The following COL6A5 variants were observed in gnomAD, a reference collection of about 807,000 sequenced individuals.
COL6A5 encodes the protein collagen alpha-5(VI) chain.
A neutral mutation model predicts 65.6 loss-of-function variants in COL6A5; 48 were observed. The ratio of observed to expected loss-of-function variants is 0.73; its 90% CI spans 0.58 to 0.93. The LOEUF (loss-of-function observed/expected upper bound fraction) is 0.93. COL6A5 is among the 40% of genes least tolerant of loss of function. The pLI, the probability that COL6A5 is intolerant of heterozygous loss-of-function variation, is 0.00. For synonymous variants in COL6A5, 291 were observed against 322.8 expected (o/e 0.90, Z 1.05); for missense variants, 914 against 928.3 (o/e 0.98, Z 0.20).
chr3:130,410,183 A>G, intron 19 of COL6A5, 109 bp downstream of exon 19: 1 of 803,024 alleles, frequency 1.2e-6, no homozygotes, highest in Non-Finnish European at 2.0e-6. Context: ...TTAAGACCAC[A>G]TTGAAAAGAC....
exon 7 of COL6A5, chr3:130,391,687 T>C (rs1490038477): frequency 6.4e-7 from 1 of 1,551,688 alleles, no homozygotes; most frequent in Admixed American, 2.0e-5. Flanking sequence ...TCTATGTAGA[T>C]AATTTTGACA....
chr3:130,471,611 G>T, intron 7 of COL6A5, 71 bp from the exon 40 acceptor site: 1 of 1,335,694 alleles, frequency 7.5e-7, no homozygotes, highest in Non-Finnish European at 1.0e-6. Flanking sequence ...ATATTATCTG[G>T]TGGTATTCAC....
chr3:130,444,873 TAGA>T (rs1709271464), intron 4 of COL6A5, among the ~76,000 whole-genome samples: 1 of 152,228 alleles, frequency 6.6e-6, no homozygotes, highest in Non-Finnish European at 1.5e-5. Context: ...CTTCCCTACC[TAGA>T]AGTTGTCCTT....
In COL6A5 at chr3:130,423,781, T is replaced by G. The variant is rs1006776361; in HGVS notation, c.5101-57T>G. The G allele has an allele frequency of 3.1e-6, 4 of 1,306,350 alleles. No homozygotes were observed. In the African/African-American group the frequency reaches 4.5e-5, roughly 15 times the overall value. 80.9% of individuals were successfully genotyped at this position (1,306,350 alleles called of 1,614,324 possible). A position where few individuals can be genotyped will look rare whatever the true frequency, so the allele number is the denominator to read the frequency against. On this transcript the variant is annotated intron_variant and NMD_transcript_variant, in intron 28 of 41. Coordinates refer to the COL6A5 transcript ENST00000312481. ...TTAGAAAGTCTTATCGAAACTGAAG[T>G]AGTCCCCATAGATAGACAGTGTTGA...
chr3:130,358,562 G>A (rs1164771549), intron 1 of COL6A5, among the ~76,000 whole-genome samples: 1 of 152,116 alleles, frequency 6.6e-6, no homozygotes, highest in Non-Finnish European at 1.5e-5. Context: ...AATCTTAAGT[G>A]TACAGTTCAT....
intron 1 of COL6A5, among the ~76,000 whole-genome samples, chr3:130,363,222 A>C (rs533456689): frequency 6.6e-6 from 1 of 152,314 alleles, no homozygotes; most frequent in South Asian, 2.1e-4. Flanking sequence ...TAACTAATCC[A>C]AGTATACTTT....
At chr3:130,448,810 C>G (rs1709362506) in intron 4 of COL6A5, among the ~76,000 whole-genome samples, 1 of 152,098 alleles carries the variant, frequency 6.6e-6, no homozygotes, top group African/African-American at 2.4e-5. Context: ...GCTGCAGGCT[C>G]CTGATTATTG....
rs778937737 is a variant in COL6A5 at position 130,467,292 on chromosome 3, G to C, written c.1545-1503G>C. 1.0e-3 allele frequency among the ~76,000 whole-genome samples: 155 copies of C among 151,920 alleles called. No individual in the cohort carries two copies. In the Middle Eastern group the frequency reaches 0.01, roughly 10 times the overall value. ...GGAATAAAGAAGAGCTGGTTAATGG[G>C]CACAAAATACTTATTAGAAGGAATA... On this transcript the variant is annotated intron_variant, in intron 5 of 7. Coordinates refer to ENST00000512836, the Ensembl canonical transcript of COL6A5.
chr3:130,349,023 G>A (rs1349376765), intron 1 of COL6A5, among the ~76,000 whole-genome samples: 4 of 151,972 alleles, frequency 2.6e-5, no homozygotes, highest in Non-Finnish European at 5.9e-5. Flanking sequence ...CTGTATTCAT[G>A]TTGCAGATTT....
Position 130,381,668 on chromosome 3 carries a change from A to C in COL6A5, c.1300+1618A>C, listed in dbSNP as rs148255836. 4.0e-3 allele frequency among the ~76,000 whole-genome samples: 605 copies of C among 152,182 alleles called. 7 individuals are homozygous for C. The highest frequency in any genetic ancestry group is 0.014 in the African/African-American group (582 of 41,554). Reference sequence around the variant, plus strand: ...TAATTCTGAGATATCTGCTGTCCTCACACATTTTCTCTGTAGAGAAAATGC... The same window carrying C: ...TAATTCTGAGATATCTGCTGTCCTCCCACATTTTCTCTGTAGAGAAAATGC... On this transcript the variant is annotated intron_variant and NMD_transcript_variant, in intron 4 of 41. Transcript: ENST00000312481.
chr3:130,401,873 A>C lies in COL6A5; in HGVS notation c.4227+19A>C. On this transcript the variant is annotated intron_variant and NMD_transcript_variant, in intron 12 of 41. Coordinates refer to the COL6A5 transcript ENST00000312481. ...CATGAAGGTGCCACTCACCTGTGAT[A>C]CTATTTTATCTAATGTGCCTTGATT... is the stretch of plus-strand genomic sequence containing the variant. 6.5e-7 allele frequency: 1 copy of C among 1,527,426 alleles called. No homozygotes were observed. Among genetic ancestry groups the C allele is most frequent in the Non-Finnish European group, 8.9e-7 (1 of 1,124,956 alleles). 94.6% of individuals were successfully genotyped at this position (1,527,426 alleles called of 1,614,324 possible). A position where few individuals can be genotyped will look rare whatever the true frequency, so the allele number is the denominator to read the frequency against.
At chr3:130,421,484 T>C in intron 27 of COL6A5, 124 bp downstream of exon 27, 1 of 870,366 alleles carries the variant, frequency 1.1e-6, no homozygotes. Context: ...TTGTTTTCCT[T>C]GGGCTTCCTG....
chr3:130,431,738 G>A (rs1251618537), exon 1 of COL6A5: 5 of 1,551,526 alleles, frequency 3.2e-6, no homozygotes, highest in South Asian at 2.4e-5. Context: ...ACAGAGCCCC[G>A]AGATGTTGGT....
chr3:130,401,303 A>G (rs1936808734), intron 11 of COL6A5, 130 bp downstream of exon 11: 1 of 782,762 alleles, frequency 1.3e-6, no homozygotes, highest in Non-Finnish European at 2.0e-6. Context: ...TAGTATATAA[A>G]AAAGTGTGGA....
At chr3:130,461,137 T>TA (rs1343333031) in intron 5 of COL6A5, among the ~76,000 whole-genome samples, 1 of 152,144 alleles carries the variant, frequency 6.6e-6, no homozygotes, top group African/African-American at 2.4e-5. Flanking sequence ...CAGGGAGATT[T>TA]AAAAAAAGAC....
At position 130,376,205 on chromosome 3, in the gene COL6A5, C is replaced by T. The variant is rs148536866; in HGVS notation, c.68-32C>T. ...CTAAAATACAAAGGTTGAATGATAACTTTGTTTTTGCTTGTTATTTTATTT... is the reference window on the plus strand; with the variant it reads ...CTAAAATACAAAGGTTGAATGATAATTTTGTTTTTGCTTGTTATTTTATTT... On this transcript the variant is annotated intron_variant and NMD_transcript_variant, in intron 2 of 41. Transcript: ENST00000312481. 4.7e-4 allele frequency: 720 copies of T among 1,535,604 alleles called. 1 individual carries two copies. In the African/African-American group the frequency reaches 8.8e-3, roughly 19 times the overall value.
chr3:130,470,993 G>A (rs1340054798), intron 7 of COL6A5, 26 bp downstream of exon 39: 1 of 1,501,398 alleles, frequency 6.7e-7, no homozygotes, highest in Admixed American at 1.7e-5. Context: ...CCAAGTTTGG[G>A]TAATACCACA....
At chr3:130,458,806 C>T (rs1443001484) in intron 5 of COL6A5, among the ~76,000 whole-genome samples, 3 of 152,144 alleles carry the variant, frequency 2.0e-5, no homozygotes, top group Admixed American at 6.5e-5. Context: ...TCGAGAGATA[C>T]TAACAGGCTT....
chr3:130,477,324 A>C, intron 7 of COL6A5: 1 of 394,508 alleles, frequency 2.5e-6, no homozygotes, highest in Non-Finnish European at 4.5e-6. Context: ...AAAAATATAA[A>C]TCCATTATAT....
Sources: gnomAD v4.1 joint callset for allele counts (sites outside exome capture counted in the v4.1 genomes callset) on GRCh38, gnomAD v4.1.1 for gene constraint, MANE v1.5 for transcripts, NCBI Gene and HGNC (gene_info 2026-07-23, HGNC 2026-07-21) for gene names.